The following VPS13B variants were observed in gnomAD, a reference collection of about 807,000 sequenced individuals.
The protein encoded by VPS13B is vacuolar protein sorting 13 homolog B.
VPS13B carries 285 observed loss-of-function variants against 426.4 expected under a neutral mutation model. That is an observed-to-expected ratio of 0.67 (90% CI 0.61 to 0.74). The LOEUF (loss-of-function observed/expected upper bound fraction) is 0.74. VPS13B is among the 30% of genes least tolerant of loss of function. VPS13B has a pLI of 0.00. For missense variants in VPS13B, 4,537 were observed against 4,782.6 expected (o/e 0.95, Z 1.51); for synonymous variants, 1,676 against 1,676.4 (o/e 1.00, Z 0.01).
At chr8:99,236,563 T>C (rs1816664418) in intron 17 of VPS13B, among the ~76,000 whole-genome samples, 1 of 152,218 alleles carries the variant, frequency 6.6e-6, no homozygotes, top group Admixed American at 6.5e-5. Context: ...TGATTTTAAT[T>C]TGATGTAATC....
intron 19 of VPS13B, chr8:99,346,498 T>G (rs760905083): frequency 6.6e-6 from 1 of 152,224 alleles, no homozygotes; most frequent in Non-Finnish European, 1.5e-5. Flanking sequence ...TTTATTGTTT[T>G]CAGTGTTTAT....
chr8:99,572,443 A>G (rs1376778386), intron 31 of VPS13B, among the ~76,000 whole-genome samples: 1 of 151,500 alleles, frequency 6.6e-6, no homozygotes, highest in Non-Finnish European at 1.5e-5. Flanking sequence ...TATATCTCCT[A>G]ATGCTTTCCC....
chr8:99,216,040 T>C (rs1815374630), intron 17 of VPS13B, among the ~76,000 whole-genome samples: 1 of 152,244 alleles, frequency 6.6e-6, no homozygotes, highest in African/African-American at 2.4e-5. Context: ...CATTCCTACA[T>C]TGAATTAAAT....
intron 19 of VPS13B, among the ~76,000 whole-genome samples, chr8:99,364,349 T>C (rs1309061870): frequency 6.6e-6 from 1 of 152,194 alleles, no homozygotes; most frequent in African/African-American, 2.4e-5. Context: ...ATTGTATTGC[T>C]GTATTGCTGA....
intron 25 of VPS13B, among the ~76,000 whole-genome samples, chr8:99,499,539 A>G (rs1220440050): frequency 6.6e-6 from 1 of 152,122 alleles, no homozygotes; most frequent in African/African-American, 2.4e-5. Flanking sequence ...GAAAGGCTAT[A>G]TATATTGCCT....
At chr8:99,468,089 G>A (rs905250610) in intron 24 of VPS13B, among the ~76,000 whole-genome samples, 4 of 152,144 alleles carry the variant, frequency 2.6e-5, no homozygotes, top group South Asian at 4.2e-4. Flanking sequence ...CCTTGTTGGC[G>A]TGCTGCACCC....
At chr8:99,423,522 C>T (rs1286368431) in intron 21 of VPS13B, among the ~76,000 whole-genome samples, 1 of 151,774 alleles carries the variant, frequency 6.6e-6, no homozygotes, top group Admixed American at 6.6e-5. Flanking sequence ...CCCACTTCAG[C>T]CTCCCAAAGT....
intron 17 of VPS13B, 58 bp from the exon 18 acceptor site, chr8:99,274,140 G>C: frequency 6.2e-7 from 1 of 1,607,598 alleles, no homozygotes; most frequent in Non-Finnish European, 8.5e-7. Context: ...CTTGGTGAAG[G>C]AATATAAAAA....
chr8:99,051,589 G>A (rs2132265758), intron 3 of VPS13B, among the ~76,000 whole-genome samples: 1 of 152,310 alleles, frequency 6.6e-6, no homozygotes, highest in South Asian at 2.1e-4. Context: ...AGCTTGATGG[G>A]AATGGCATTG....
chr8:99,415,217 A>C (rs958925233), intron 21 of VPS13B, among the ~76,000 whole-genome samples: 2 of 151,684 alleles, frequency 1.3e-5, no homozygotes, highest in Admixed American at 1.3e-4. Flanking sequence ...ACACTTGTGT[A>C]TGCTTCTCAA....
intron 2 of VPS13B, among the ~76,000 whole-genome samples, chr8:99,037,152 A>G (rs1023801170): frequency 2.6e-5 from 4 of 152,158 alleles, no homozygotes; most frequent in Non-Finnish European, 5.9e-5. Flanking sequence ...GTGCTAGCTG[A>G]ACAATGCTTG....
At chr8:99,465,142 C>T (rs1819044857) in intron 23 of VPS13B, among the ~76,000 whole-genome samples, 1 of 152,072 alleles carries the variant, frequency 6.6e-6, no homozygotes, top group Non-Finnish European at 1.5e-5. Flanking sequence ...TGGTTCTGGC[C>T]AGTCATGGAT....
intron 33 of VPS13B, among the ~76,000 whole-genome samples, chr8:99,583,218 A>G (rs1826159404): frequency 2.6e-5 from 4 of 152,190 alleles, no homozygotes. Context: ...CAGATGAGAG[A>G]AGATTGTGAT....
intron 25 of VPS13B, among the ~76,000 whole-genome samples, chr8:99,493,738 T>A (rs1820737914): frequency 7.4e-6 from 1 of 134,990 alleles, no homozygotes; most frequent in East Asian, 2.1e-4. Context: ...GCTGAGATCG[T>A]GCCACTGTAC....
chr8:99,492,351 C>T (rs552284084), intron 25 of VPS13B, among the ~76,000 whole-genome samples: 5 of 152,326 alleles, frequency 3.3e-5, no homozygotes, highest in East Asian at 3.9e-4. Flanking sequence ...GCAGTCTGTC[C>T]GTTCTCAGAG....
At chr8:99,251,632 A>G (rs1026895212) in intron 17 of VPS13B, among the ~76,000 whole-genome samples, 7 of 152,052 alleles carry the variant, frequency 4.6e-5, no homozygotes, top group Non-Finnish European at 7.4e-5. Flanking sequence ...TTTGTCTATA[A>G]TTTTCCTTTT....
intron 28 of VPS13B, among the ~76,000 whole-genome samples, chr8:99,510,186 C>T (rs1563768458): frequency 6.6e-6 from 1 of 152,154 alleles, no homozygotes; most frequent in East Asian, 1.9e-4. Flanking sequence ...TTTAAATATG[C>T]AGTAACTGTT....
intron 33 of VPS13B, among the ~76,000 whole-genome samples, chr8:99,610,473 AAACT>A (rs1228106861): frequency 6.6e-6 from 1 of 152,186 alleles, no homozygotes; most frequent in Non-Finnish European, 1.5e-5. Context: ...CATTCTCAGC[AAACT>A]AACACAGGAA....
intron 35 of VPS13B, among the ~76,000 whole-genome samples, chr8:99,691,607 A>G (rs1456655118): frequency 6.6e-6 from 1 of 151,860 alleles, no homozygotes; most frequent in Admixed American, 6.6e-5. Flanking sequence ...TGTAAAGACC[A>G]TCGAGACTAG....
Sources: gnomAD v4.1 joint callset for allele counts (sites outside exome capture counted in the v4.1 genomes callset) on GRCh38, gnomAD v4.1.1 for gene constraint, MANE v1.5 for transcripts, NCBI Gene and HGNC (gene_info 2026-07-23, HGNC 2026-07-21) for gene names.